MDGA2: variants seen among roughly 807,000 people sequenced by gnomAD.
MDGA2 encodes MAM domain-containing glycosylphosphatidylinositol anchor protein 2.
Under a neutral mutation model 117.8 loss-of-function variants are expected in MDGA2, and 40 were observed. The ratio of observed to expected loss-of-function variants is 0.34; its 90% CI spans 0.26 to 0.44. The LOEUF is 0.44. Ranked by LOEUF, MDGA2 falls within the 20% of genes least tolerant of loss-of-function variation. The pLI, the probability that MDGA2 is intolerant of heterozygous loss-of-function variation, is 1.00. For synonymous variants in MDGA2, 452 were observed against 439.0 expected (o/e 1.03, Z -0.37); for missense variants, 1,123 against 1,250.6 (o/e 0.90, Z 1.54).
rs189226234 is a variant in MDGA2 at position 47,354,202 on chromosome 14, T to C, written c.281-52652A>G. ...CCGCAGCTAACATCATAATCAATAG[T>C]GAATATTTGAAAATTTTTCTTCTAA... On this transcript the variant is annotated intron_variant, in intron 1 of 16. Coordinates refer to ENST00000399232, the MANE Select transcript of MDGA2 (RefSeq NM_001113498.3). 3.9e-3 allele frequency among the ~76,000 whole-genome samples: 591 copies of C among 152,280 alleles called. 2 individuals are homozygous for C. Among genetic ancestry groups the C allele is most frequent in the Non-Finnish European group, 7.1e-3 (486 of 68,026 alleles).
At chr14:46,882,580 T>C (rs1882507626) in intron 10 of MDGA2, among the ~76,000 whole-genome samples, 2 of 151,492 alleles carry the variant, frequency 1.3e-5, no homozygotes, top group Non-Finnish European at 3.0e-5. Flanking sequence ...CTTACAACTC[T>C]ATCACATTAG....
At chr14:47,555,334 G>C (rs1158711117) in intron 1 of MDGA2, among the ~76,000 whole-genome samples, 1 of 152,120 alleles carries the variant, frequency 6.6e-6, no homozygotes, top group Non-Finnish European at 1.5e-5. Context: ...GAGAGTGTGT[G>C]GCTGTGGAGA....
chr14:46,941,438 A>C (rs923447521), intron 9 of MDGA2, among the ~76,000 whole-genome samples: 1 of 152,094 alleles, frequency 6.6e-6, no homozygotes, highest in Admixed American at 6.6e-5. Context: ...TCATCTGTGG[A>C]TTCTCTCTCC....
chr14:47,552,089 C>T lies in MDGA2; in HGVS notation c.280+122428G>A, dbSNP rs144494737. On this transcript the variant is annotated intron_variant, in intron 1 of 16. Transcript: ENST00000399232. ...GATATCAACTTTTCTAGTTTTCTTT[C>T]CTCCTCCCTTGCCATTTCATATTAC... Among the ~76,000 whole-genome samples, 1,027 of 152,188 alleles carry T rather than the reference C, an allele frequency of 6.7e-3. 16 individuals are homozygous for T. The highest frequency in any genetic ancestry group is 0.024 in the African/African-American group (983 of 41,514).
chr14:47,395,517 A>G (rs1891989186), intron 1 of MDGA2, among the ~76,000 whole-genome samples: 1 of 152,310 alleles, frequency 6.6e-6, no homozygotes, highest in African/African-American at 2.4e-5. Flanking sequence ...ATAATTTTTA[A>G]AATGTTTTTT....
intron 1 of MDGA2, among the ~76,000 whole-genome samples, chr14:47,498,944 G>A (rs1461725761): frequency 6.6e-6 from 1 of 152,008 alleles, no homozygotes; most frequent in African/African-American, 2.4e-5. Flanking sequence ...TGAAACTACA[G>A]TTTATAAATC....
chr14:46,858,503 C>A (rs1199839277), intron 14 of MDGA2, among the ~76,000 whole-genome samples: 2 of 148,796 alleles, frequency 1.3e-5, no homozygotes, highest in Non-Finnish European at 3.0e-5. Context: ...TCTCGGCTCA[C>A]TGAAAGCTCC....
Position 47,205,343 on chromosome 14 carries a change from C to T in MDGA2, c.595+12678G>A, listed in dbSNP as rs141905224. Among the ~76,000 whole-genome samples, 298 of 151,976 alleles carry T rather than the reference C, an allele frequency of 2.0e-3. 4 individuals carry two copies. Among genetic ancestry groups the T allele is most frequent in the African/African-American group, 6.9e-3 (285 of 41,502 alleles). ...TTGTGCTTATGATCTTATGTCTATT[C>T]TTACTTCTCAAAGAGTCTATAATTT... On this transcript the variant is annotated intron_variant, in intron 3 of 16. Coordinates refer to ENST00000399232, the MANE Select transcript of MDGA2 (RefSeq NM_001113498.3).
At chr14:47,489,841 C>A (rs1894133190) in intron 1 of MDGA2, among the ~76,000 whole-genome samples, 1 of 152,032 alleles carries the variant, frequency 6.6e-6, no homozygotes, top group African/African-American at 2.4e-5. Flanking sequence ...CCATGAGTTT[C>A]TTTTCCTTAC....
At chr14:46,952,083 C>A (rs977334427) in intron 9 of MDGA2, among the ~76,000 whole-genome samples, 4 of 151,748 alleles carry the variant, frequency 2.6e-5, no homozygotes, top group African/African-American at 9.7e-5. Flanking sequence ...AAGGATTTTC[C>A]TTGGCAATCT....
At chr14:47,590,299 C>CA (rs1896412575) in intron 1 of MDGA2, among the ~76,000 whole-genome samples, 2 of 151,506 alleles carry the variant, frequency 1.3e-5, no homozygotes, top group Non-Finnish European at 2.9e-5. Context: ...TAAAAAATGC[C>CA]AAAAGAAAGA....
At position 47,096,845 on chromosome 14, in the gene MDGA2, CA is replaced by C; in HGVS notation, c.1195+8del. Reference sequence around the variant, plus strand: ...AATCTACGTTGTAACATTCTTTCAGCAAACTTACCTCTCACAATGATGTTGG... The same window carrying C: ...AATCTACGTTGTAACATTCTTTCAGCAACTTACCTCTCACAATGATGTTGG... On this transcript the variant is annotated splice_region_variant and intron_variant, in intron 6 of 16. Transcript: ENST00000399232. 6.2e-7 allele frequency: 1 copy of C among 1,610,244 alleles called. No individual in the cohort carries two copies. The highest frequency in any genetic ancestry group is 8.5e-7 in the Non-Finnish European group (1 of 1,177,016).
chr14:46,859,173 T>C (rs991647506), intron 14 of MDGA2, among the ~76,000 whole-genome samples: 2 of 152,160 alleles, frequency 1.3e-5, no homozygotes, highest in African/African-American at 4.8e-5. Flanking sequence ...GATTCTAGCC[T>C]TTCTGGTTTC....
rs1308695398 is a variant in MDGA2 at position 47,370,484 on chromosome 14, T to C, written c.281-68934A>G. 2.9e-4 allele frequency among the ~76,000 whole-genome samples: 23 copies of C among 78,902 alleles called. No homozygotes were observed. The South Asian group carries it at 9.6e-3, about 33-fold the overall frequency. 51.8% of individuals were successfully genotyped at this position (78,902 alleles called of 152,430 possible). On this transcript the variant is annotated intron_variant, in intron 1 of 16. Transcript: ENST00000399232. ...CTACTTACTGTTTTTTTTTTTTTTT[T>C]TTTTTTTTTTTTTTGTGTGTGTGTG... is the stretch of plus-strand genomic sequence containing the variant.
chr14:47,280,458 G>A (rs1441987447), intron 2 of MDGA2, among the ~76,000 whole-genome samples: 1 of 151,620 alleles, frequency 6.6e-6, no homozygotes, highest in Non-Finnish European at 1.5e-5. Context: ...GTAGCAGGAA[G>A]TTACTACATT....
intron 1 of MDGA2, among the ~76,000 whole-genome samples, chr14:47,480,115 C>T (rs780176869): frequency 6.6e-6 from 1 of 152,032 alleles, no homozygotes; most frequent in Admixed American, 6.6e-5. Context: ...AATTATTTCA[C>T]ACCTAAGTTT....
chr14:47,290,131 G>A (rs199748884), intron 2 of MDGA2, among the ~76,000 whole-genome samples: 1 of 151,948 alleles, frequency 6.6e-6, no homozygotes, highest in East Asian at 1.9e-4. Flanking sequence ...GCCCTATACT[G>A]CTATGCTCTG....
chr14:47,423,862 A>T (rs1461137150), intron 1 of MDGA2, among the ~76,000 whole-genome samples: 5 of 152,034 alleles, frequency 3.3e-5, no homozygotes, highest in African/African-American at 9.7e-5. Context: ...CCCAGGCTGA[A>T]GTGCAGTGGC....
intron 1 of MDGA2, among the ~76,000 whole-genome samples, chr14:47,561,018 T>C (rs1005891194): frequency 1.3e-5 from 2 of 152,130 alleles, no homozygotes; most frequent in Admixed American, 6.5e-5. Context: ...TGCAGCATTA[T>C]TTCTGGGCCC....
Sources: gnomAD v4.1 joint callset for allele counts (sites outside exome capture counted in the v4.1 genomes callset) on GRCh38, gnomAD v4.1.1 for gene constraint, MANE v1.5 for transcripts, NCBI Gene and HGNC (gene_info 2026-07-23, HGNC 2026-07-21) for gene names.